Variants in MORC3 observed in about 807,000 individuals in gnomAD.
The protein encoded by MORC3 is MORC family CW-type zinc finger 3.
Under a neutral mutation model 109.1 loss-of-function variants are expected in MORC3, and 31 were observed. That is an observed-to-expected ratio of 0.28 (90% CI 0.21 to 0.38). The LOEUF is 0.38. MORC3 is among the 10% of genes least tolerant of loss of function. The probability of loss-of-function intolerance (pLI) is 1.00; values close to 1 mark genes in which losing one functional copy is unlikely to be tolerated. For synonymous variants in MORC3, 395 were observed against 380.7 expected (o/e 1.04, Z -0.44); for missense variants, 867 against 1,135.8 (o/e 0.76, Z 3.40).
At chr21:36,361,991 A>T (rs866739138) in intron 12 of MORC3, 192 bp from the exon 13 acceptor site, 1 of 653,630 alleles carries the variant, frequency 1.5e-6, no homozygotes. Flanking sequence ...ACCGGTGAGG[A>T]TGGAAAAATT....
chr21:36,340,740 G>A (rs1405322801), intron 5 of MORC3, among the ~76,000 whole-genome samples: 1 of 150,734 alleles, frequency 6.6e-6, no homozygotes, highest in African/African-American at 2.4e-5. Context: ...GGGTTCAAGC[G>A]ATTCTGCTGC....
intron 15 of MORC3, among the ~76,000 whole-genome samples, chr21:36,370,700 CT>C (rs1444108206): frequency 5.8e-5 from 7 of 121,292 alleles, no homozygotes; most frequent in Non-Finnish European, 1.1e-4. Flanking sequence ...GAATTTCGCT[CT>C]GTTGCCCAGG....
At chr21:36,333,303 A>G in intron 1 of MORC3, 1 of 219,816 alleles carries the variant, frequency 4.5e-6, no homozygotes, top group Non-Finnish European at 8.9e-6. Context: ...TAGAGAAATT[A>G]GGAAATGGTG....
At chr21:36,371,575 A>G (rs1467843754) in intron 15 of MORC3, among the ~76,000 whole-genome samples, 2 of 152,208 alleles carry the variant, frequency 1.3e-5, no homozygotes, top group Non-Finnish European at 2.9e-5. Context: ...GAAAAACAGA[A>G]TGATTGTATT....
rs1202729285 is a variant in MORC3 at position 36,353,755 on chromosome 21, A to ATTTTTTTTTTTTTTTTTTTTTTTTTT, written c.1104-2843_1104-2842insTTTTTTTTTTTTTTTTTTTTTTTTTT. ...GCCACCAAGCCCGGCTAATTTTTGT[A>ATTTTTTTTTTTTTTTTTTTTTTTTTT]TTTTTTTTTTTTTTTTTTTTTTAGT... On this transcript the variant is annotated intron_variant, in intron 9 of 16. Transcript: ENST00000400485. Among the ~76,000 whole-genome samples the ATTTTTTTTTTTTTTTTTTTTTTTTTT allele has an allele frequency of 2.8e-4, 20 of 71,006 alleles. 6 individuals carry two copies. Among genetic ancestry groups the ATTTTTTTTTTTTTTTTTTTTTTTTTT allele is most frequent in the African/African-American group, 1.3e-3 (20 of 14,934 alleles). The allele number at this position is 71,006 out of a possible 152,430, so 46.6% of individuals were successfully genotyped here.
At chr21:36,373,108 G>A (rs2085888525) in intron 16 of MORC3, among the ~76,000 whole-genome samples, 1 of 152,218 alleles carries the variant, frequency 6.6e-6, no homozygotes. Context: ...GGGAGGCTGA[G>A]TTGGGCGGAT....
chr21:36,331,574 C>T (rs2085315561), intron 1 of MORC3, among the ~76,000 whole-genome samples: 2 of 151,610 alleles, frequency 1.3e-5, no homozygotes, highest in Admixed American at 1.3e-4. Flanking sequence ...TGCACTCCAG[C>T]CTGGGCAGCA....
chr21:36,364,025 T>C, intron 13 of MORC3, 68 bp from the exon 14 acceptor site: 1 of 1,484,730 alleles, frequency 6.7e-7, no homozygotes, highest in Non-Finnish European at 9.2e-7. Flanking sequence ...AGGAAGATTA[T>C]ATCTTGTGTT....
chr21:36,320,208 G>A lies in MORC3; in HGVS notation c.-57G>A, dbSNP rs1032586197. On this transcript the variant is annotated 5_prime_UTR_variant, in exon 1 of 17. Transcript: ENST00000400485. ...ACCCATAGGGCTCCACAGTCGTTCC[G>A]CCACCTCCCAGTCGGGTTGCGGCGG... 20 of 1,549,474 alleles carry A rather than the reference G, an allele frequency of 1.3e-5. No individual in the cohort carries two copies. Among genetic ancestry groups the A allele is most frequent in the Middle Eastern group, 1.7e-4 (1 of 5,962 alleles).
At chr21:36,354,317 TTCTTTC>T (rs1272633895) in intron 9 of MORC3, among the ~76,000 whole-genome samples, 92 of 106,236 alleles carry the variant, frequency 8.7e-4, no homozygotes, top group African/African-American at 2.9e-3. Context: ...CTTTCTTTCT[TTCTTTC>T]TTTTTTTTTT....
intron 14 of MORC3, among the ~76,000 whole-genome samples, chr21:36,366,967 C>T (rs1009011721): frequency 2.6e-5 from 4 of 152,094 alleles, no homozygotes; most frequent in Admixed American, 6.6e-5. Flanking sequence ...TGGTAGAAAC[C>T]AGTTTACGCC....
At position 36,361,941 on chromosome 21, in the gene MORC3, G is replaced by A. The variant is rs2085721729; in HGVS notation, c.1407-242G>A. The stretch of plus-strand genomic sequence containing the variant: ...CTGTGATTCTGGACTGAGTTATCTG[G>A]TCTTAGTGGAGAAAAAAACACCAAA... On this transcript the variant is annotated intron_variant, in intron 12 of 16. Transcript: ENST00000400485. 5.4e-6 allele frequency: 3 copies of A among 559,096 alleles called. No homozygotes were observed. In the Admixed American group the frequency reaches 9.7e-5, roughly 18 times the overall value. 34.6% of individuals were successfully genotyped at this position (559,096 alleles called of 1,614,324 possible).
At chr21:36,373,452 C>T (rs532036662) in intron 16 of MORC3, among the ~76,000 whole-genome samples, 10 of 151,594 alleles carry the variant, frequency 6.6e-5, no homozygotes, top group African/African-American at 1.7e-4. Flanking sequence ...GGTGAAACCC[C>T]GTCTCTACTA....
At chr21:36,332,437 G>GA (rs201467542) in intron 1 of MORC3, among the ~76,000 whole-genome samples, 1,537 of 151,888 alleles carry the variant, frequency 0.01, 14 homozygotes, top group African/African-American at 0.035. Context: ...TTCTGTCTCA[G>GA]AAAAAAAATA....
intron 16 of MORC3, among the ~76,000 whole-genome samples, chr21:36,373,065 C>T (rs551941317): frequency 1.8e-4 from 28 of 152,286 alleles, no homozygotes; most frequent in Admixed American, 1.1e-3. Flanking sequence ...ATAGGCCAGG[C>T]GTGGTGGCTC....
At chr21:36,356,050 G>A (rs1258268023) in intron 9 of MORC3, among the ~76,000 whole-genome samples, 1 of 152,008 alleles carries the variant, frequency 6.6e-6, no homozygotes, top group Admixed American at 6.6e-5. Flanking sequence ...CATGTCATAA[G>A]GCACTTGAAG....
chr21:36,367,181 G>A (rs1244680034), intron 14 of MORC3, among the ~76,000 whole-genome samples: 1 of 152,184 alleles, frequency 6.6e-6, no homozygotes, highest in Non-Finnish European at 1.5e-5. Flanking sequence ...TGCTGAAGAT[G>A]TACATGAGCC....
At chr21:36,320,891 T>C (rs1421117368) in intron 1 of MORC3, among the ~76,000 whole-genome samples, 2 of 152,234 alleles carry the variant, frequency 1.3e-5, no homozygotes, top group African/African-American at 2.4e-5. Context: ...GCGTCTGTTT[T>C]GGGGCGTTTC....
intron 4 of MORC3, among the ~76,000 whole-genome samples, chr21:36,338,426 C>T (rs928903537): frequency 5.3e-5 from 8 of 151,378 alleles, no homozygotes; most frequent in African/African-American, 2.0e-4. Context: ...GGTGGCTGAT[C>T]CCTGAAATTC....
Sources: allele counts gnomAD v4.1 joint callset (sites outside exome capture counted in the v4.1 genomes callset), GRCh38; gene constraint gnomAD v4.1.1; transcripts MANE v1.5; gene names NCBI Gene and HGNC (gene_info 2026-07-23, HGNC 2026-07-21).